The following GRM5 variants were observed in gnomAD, a reference collection of about 807,000 sequenced individuals.
GRM5 encodes glutamate metabotropic receptor 5.
A neutral mutation model predicts 83.1 loss-of-function variants in GRM5; 19 were observed. That is an observed-to-expected ratio of 0.23 (90% CI 0.16 to 0.34). The LOEUF is 0.34. Among genes scored for constraint, GRM5 ranks in the 10% least tolerant of loss-of-function variants. The pLI is 1.00. For missense variants in GRM5, 1,160 were observed against 1,588.3 expected (o/e 0.73, Z 4.58); for synonymous variants, 675 against 633.6 (o/e 1.07, Z -0.98).
chr11:89,049,994 C>G (rs899225383), intron 1 of GRM5, among the ~76,000 whole-genome samples: 26 of 151,712 alleles, frequency 1.7e-4, no homozygotes, highest in African/African-American at 6.0e-4. Context: ...AGCGAGTGAA[C>G]AAATAACAAA....
rs1937969112 is a variant in GRM5 at position 88,938,306 on chromosome 11, T to C, written c.662-88151A>G. Among the ~76,000 whole-genome samples the C allele has an allele frequency of 2.0e-5, 3 of 151,804 alleles. 1 individual carries two copies. The highest frequency in any genetic ancestry group is 6.8e-3 in the Middle Eastern group (2 of 294). The stretch of plus-strand genomic sequence containing the variant: ...CTTAGGAAGAGAAGAAAGTATTTAG[T>C]ATGACTTTGATTTTTGTGTTTTAAA... On this transcript the variant is annotated intron_variant, in intron 2 of 9. Coordinates refer to ENST00000305447, the MANE Select transcript of GRM5 (RefSeq NM_001143831.3).
chr11:88,833,972 G>A (rs1266546613), intron 3 of GRM5, among the ~76,000 whole-genome samples: 3 of 152,112 alleles, frequency 2.0e-5, no homozygotes, highest in African/African-American at 7.2e-5. Context: ...TACATGGGTA[G>A]GGCGTAAATA....
At chr11:88,832,717 A>G (rs1944017500) in intron 3 of GRM5, among the ~76,000 whole-genome samples, 1 of 152,212 alleles carries the variant, frequency 6.6e-6, no homozygotes, top group Admixed American at 6.5e-5. Flanking sequence ...TTTAAAATAT[A>G]TTACAAGAAT....
chr11:88,742,710 T>C (rs1457931531), intron 3 of GRM5, among the ~76,000 whole-genome samples: 1 of 152,162 alleles, frequency 6.6e-6, no homozygotes, highest in Admixed American at 6.6e-5. Context: ...TTTGGCAGTT[T>C]GTAGAAAAGG....
At chr11:88,757,233 G>A (rs1942413036) in intron 3 of GRM5, among the ~76,000 whole-genome samples, 1 of 152,176 alleles carries the variant, frequency 6.6e-6, no homozygotes, top group African/African-American at 2.4e-5. Flanking sequence ...TACACTGCAA[G>A]CTTCCCTCGG....
At chr11:88,704,859 A>G (rs1379464344) in intron 3 of GRM5, among the ~76,000 whole-genome samples, 2 of 151,898 alleles carry the variant, frequency 1.3e-5, no homozygotes, top group Non-Finnish European at 1.5e-5. Context: ...AGTTTTTCCT[A>G]TGATAATTAG....
chr11:88,705,612 GT>G (rs57613173), intron 3 of GRM5, among the ~76,000 whole-genome samples: 1 of 148,682 alleles, frequency 6.7e-6, no homozygotes, highest in African/African-American at 2.5e-5. Flanking sequence ...TTTTTTGTTT[GT>G]TTTTTTTTCT....
chr11:88,742,794 A>T (rs1201182330), intron 3 of GRM5, among the ~76,000 whole-genome samples: 1 of 152,082 alleles, frequency 6.6e-6, no homozygotes, highest in Non-Finnish European at 1.5e-5. Context: ...TAACAAGCCC[A>T]TTTGGGAATA....
chr11:88,699,686 G>A (rs1940983529), intron 3 of GRM5, among the ~76,000 whole-genome samples: 1 of 152,202 alleles, frequency 6.6e-6, no homozygotes, highest in Non-Finnish European at 1.5e-5. Context: ...ATTATAAGAT[G>A]TAAATGTGAT....
intron 2 of GRM5, among the ~76,000 whole-genome samples, chr11:88,965,877 C>A (rs1262928602): frequency 3.3e-5 from 5 of 152,070 alleles, no homozygotes; most frequent in Non-Finnish European, 7.4e-5. Flanking sequence ...CAGAAGTCTT[C>A]AAAAATATTA....
intron 2 of GRM5, among the ~76,000 whole-genome samples, chr11:89,017,242 C>A (rs1591051189): frequency 6.6e-6 from 1 of 152,244 alleles, no homozygotes; most frequent in South Asian, 2.1e-4. Context: ...TGAGTATTAC[C>A]TTGGCTCTAG....
chr11:88,981,011 G>GAA lies in GRM5; in HGVS notation c.661+66199_661+66200dup, dbSNP rs5793377. On this transcript the variant is annotated intron_variant, in intron 2 of 9. Transcript: ENST00000305447. Reference sequence around the variant, plus strand: ...TTAAAACTAAAATAGTCCCTAATCAGAAAAAAAAAATGAGTTTTTTAAAAA... The same window carrying GAA: ...TTAAAACTAAAATAGTCCCTAATCAGAAAAAAAAAAAATGAGTTTTTTAAAAA... 7.2e-4 allele frequency among the ~76,000 whole-genome samples: 107 copies of GAA among 148,692 alleles called. No individual in the cohort carries two copies. The Middle Eastern group carries it at 0.01, about 14-fold the overall frequency.
chr11:88,639,707 C>A (rs1313057068), intron 4 of GRM5, among the ~76,000 whole-genome samples: 1 of 152,004 alleles, frequency 6.6e-6, no homozygotes, highest in Non-Finnish European at 1.5e-5. Context: ...CCTGCCTCAG[C>A]CTCCCGAGTA....
chr11:88,728,009 C>A (rs930175826), intron 3 of GRM5, among the ~76,000 whole-genome samples: 3 of 151,840 alleles, frequency 2.0e-5, no homozygotes, highest in African/African-American at 7.3e-5. Flanking sequence ...TAGCAGAAGA[C>A]AAGAAATAAC....
intron 3 of GRM5, among the ~76,000 whole-genome samples, chr11:88,779,514 T>C (rs1454516460): frequency 2.0e-5 from 3 of 152,138 alleles, no homozygotes; most frequent in Admixed American, 6.5e-5. Context: ...CCCCCAATTA[T>C]CTGAAAATTT....
chr11:88,851,802 G>A (rs1419360447), intron 2 of GRM5, among the ~76,000 whole-genome samples: 2 of 152,134 alleles, frequency 1.3e-5, no homozygotes, highest in African/African-American at 4.8e-5. Flanking sequence ...AAATACTGGT[G>A]GGCCAGCTGC....
At chr11:88,870,364 G>A (rs1944743142) in intron 2 of GRM5, among the ~76,000 whole-genome samples, 1 of 151,394 alleles carries the variant, frequency 6.6e-6, no homozygotes, top group South Asian at 2.1e-4. Flanking sequence ...TCTGGCAAAG[G>A]TTCATAAGGG....
intron 3 of GRM5, among the ~76,000 whole-genome samples, chr11:88,797,662 T>G (rs1451040957): frequency 1.3e-5 from 2 of 152,214 alleles, no homozygotes; most frequent in African/African-American, 4.8e-5. Context: ...TTCTTTCTTT[T>G]GCTTTTTAAA....
intron 2 of GRM5, among the ~76,000 whole-genome samples, chr11:88,923,342 A>G (rs1448207647): frequency 1.3e-5 from 2 of 152,180 alleles, no homozygotes; most frequent in Non-Finnish European, 2.9e-5. Flanking sequence ...AATGTAGCGC[A>G]TATACACAAG....
Sources: allele counts gnomAD v4.1 joint callset (sites outside exome capture counted in the v4.1 genomes callset), GRCh38; gene constraint gnomAD v4.1.1; transcripts MANE v1.5; gene names NCBI Gene and HGNC (gene_info 2026-07-23, HGNC 2026-07-21).